Variants in GLIPR1L1 observed in about 807,000 individuals in gnomAD.
GLIPR1L1 encodes the protein GLIPR1-like protein 1.
Under a neutral mutation model 29.9 loss-of-function variants are expected in GLIPR1L1, and 26 were observed. The ratio of observed to expected loss-of-function variants is 0.87; its 90% confidence interval spans 0.64 to 1.21. GLIPR1L1 has a LOEUF of 1.21. GLIPR1L1 is among the 50% of genes most tolerant of loss of function. The pLI is 0.00. For missense variants in GLIPR1L1, 305 were observed against 290.3 expected (o/e 1.05, Z -0.37); for synonymous variants, 77 against 97.5 (o/e 0.79, Z 1.24).
intron 3 of GLIPR1L1, chr12:75,360,076 G>A (rs554143494): frequency 6.6e-6 from 1 of 152,226 alleles, no homozygotes; most frequent in South Asian, 2.1e-4. Context: ...ACTATCATGA[G>A]AACAGCATGG....
At chr12:75,362,744 A>G (rs2043688168) in intron 3 of GLIPR1L1, among the ~76,000 whole-genome samples, 1 of 152,188 alleles carries the variant, frequency 6.6e-6, no homozygotes, top group Admixed American at 6.6e-5. Flanking sequence ...ATTAAAACAT[A>G]AAACACATGT....
chr12:75,369,703 C>T (rs1833743630), intron 4 of GLIPR1L1: 9 of 984,898 alleles, frequency 9.1e-6, no homozygotes, highest in African/African-American at 1.7e-5. Flanking sequence ...TACTTTATAG[C>T]TTTTTCTGGT....
At chr12:75,343,617 A>T in intron 1 of GLIPR1L1, 76 bp from the exon 2 acceptor site, 2 of 1,117,410 alleles carry the variant, frequency 1.8e-6, no homozygotes, top group Non-Finnish European at 2.5e-6. Flanking sequence ...AGCAAAACTT[A>T]GTTGATTACA....
rs1266323510 is a variant in GLIPR1L1 at position 75,334,822 on chromosome 12, C to G, written c.94C>G (p.His32Asp). 1 of 1,614,162 alleles carries G rather than the reference C, an allele frequency of 6.2e-7. No individual in the cohort carries two copies. Among genetic ancestry groups the G allele is most frequent in the Non-Finnish European group, 8.5e-7 (1 of 1,180,022 alleles). The change falls in exon 1 of 6, where the codon CAC becomes GAC. Residue 32 changes from histidine to aspartate, a missense_variant. Coordinates refer to ENST00000378695, the MANE Select transcript of GLIPR1L1 (RefSeq NM_001304964.2). ...SSKIPSITDP[H>D]FIDNCIEAHN... ...CAAAATCCCATCCATCACTGACCCA[C>G]ACTTTATAGACAACTGCATAGAAGC...
intron 3 of GLIPR1L1, among the ~76,000 whole-genome samples, chr12:75,353,537 C>T (rs111699379): frequency 1.9e-4 from 29 of 152,260 alleles, no homozygotes; most frequent in African/African-American, 6.7e-4. Flanking sequence ...CAGGACCAGA[C>T]AGATTTACAG....
chr12:75,334,953 A>T, intron 1 of GLIPR1L1, 51 bp downstream of exon 1: 2 of 1,512,352 alleles, frequency 1.3e-6, no homozygotes, highest in Non-Finnish European at 1.8e-6. Flanking sequence ...ATCCTGAGGT[A>T]TCTGGGTGAT....
intron 4 of GLIPR1L1, among the ~76,000 whole-genome samples, chr12:75,368,990 T>C (rs2044177706): frequency 6.6e-6 from 1 of 152,034 alleles, no homozygotes; most frequent in Non-Finnish European, 1.5e-5. Context: ...TTATGTTCTA[T>C]GACTTTTGAC....
intron 1 of GLIPR1L1, among the ~76,000 whole-genome samples, chr12:75,341,045 C>T (rs911179737): frequency 1.3e-5 from 2 of 151,586 alleles, no homozygotes; most frequent in Admixed American, 1.3e-4. Context: ...AAAAAAAGAA[C>T]ACCTAAACAT....
chr12:75,341,716 G>C (rs1340216870), intron 1 of GLIPR1L1, among the ~76,000 whole-genome samples: 1 of 150,218 alleles, frequency 6.7e-6, no homozygotes, highest in African/African-American at 2.5e-5. Context: ...AAAGTGTTGG[G>C]ATTAAAGGCG....
intron 3 of GLIPR1L1, among the ~76,000 whole-genome samples, chr12:75,354,079 G>T (rs963079814): frequency 7.0e-6 from 1 of 142,760 alleles, no homozygotes; most frequent in African/African-American, 2.6e-5. Flanking sequence ...TTGAAAACCA[G>T]TATAAGACAA....
chr12:75,340,300 T>C (rs2042018454), intron 1 of GLIPR1L1, among the ~76,000 whole-genome samples: 1 of 151,904 alleles, frequency 6.6e-6, no homozygotes, highest in African/African-American at 2.4e-5. Context: ...ACGACGTATT[T>C]TCCTCTGCGT....
intron 2 of GLIPR1L1, among the ~76,000 whole-genome samples, chr12:75,344,311 C>CT (rs897168109): frequency 1.7e-4 from 26 of 152,094 alleles, no homozygotes; most frequent in African/African-American, 5.5e-4. Flanking sequence ...ATGCTCTTGT[C>CT]TTTTTTCTTG....
At chr12:75,357,777 C>CA (rs2043248395) in intron 3 of GLIPR1L1, among the ~76,000 whole-genome samples, 2 of 150,864 alleles carry the variant, frequency 1.3e-5, no homozygotes, top group Admixed American at 6.6e-5. Context: ...AAGAATAACT[C>CA]AAAAAAGAAG....
In GLIPR1L1 at chr12:75,363,130, G is replaced by A. The variant is rs139987275; in HGVS notation, c.550G>A (p.Val184Ile). The A allele has an allele frequency of 9.7e-5, 151 of 1,558,612 alleles. No homozygotes were observed. In the African/African-American group the frequency reaches 1.4e-3, roughly 14 times the overall value. Residue 184 changes from valine to isoleucine, a missense_variant, in exon 4 of 6, where the codon GTA (valine) becomes ATA (isoleucine). By Grantham distance (29) the Val-to-Ile change is conservative (BLOSUM62 3). Transcript: ENST00000378695. The stretch of plus-strand genomic sequence containing the variant: ...AAATTTTGCAAATATGCCTCCTTAC[G>A]TAAGAGGAGAATCTTGCTCTCTCTG... ...AGNFANMPPY[V>I]RGESCSLCSK...
At chr12:75,349,274 T>C (rs2042651971) in intron 3 of GLIPR1L1, among the ~76,000 whole-genome samples, 1 of 152,178 alleles carries the variant, frequency 6.6e-6, no homozygotes, top group Non-Finnish European at 1.5e-5. Flanking sequence ...AGGATCAAAA[T>C]GTTCCCATGT....
At position 75,334,828 on chromosome 12, in the gene GLIPR1L1, A is replaced by C; in HGVS notation, c.100A>C (p.Ile34Leu). Reference sequence around the variant, plus strand: ...CCCATCCATCACTGACCCACACTTTATAGACAACTGCATAGAAGCCCACAA... The same window carrying C: ...CCCATCCATCACTGACCCACACTTTCTAGACAACTGCATAGAAGCCCACAA... Reference protein sequence around the residue: ...KIPSITDPHFIDNCIEAHNEW... With the variant: ...KIPSITDPHFLDNCIEAHNEW... The change falls in exon 1 of 6, where the codon ATA becomes CTA. Residue 34 changes from isoleucine to leucine, a missense_variant. Coordinates refer to ENST00000378695, the MANE Select transcript of GLIPR1L1 (RefSeq NM_001304964.2). The C allele has an allele frequency of 6.2e-7, 1 of 1,614,100 alleles. No homozygotes were observed. Among genetic ancestry groups the C allele is most frequent in the Non-Finnish European group, 8.5e-7 (1 of 1,180,004 alleles).
At chr12:75,344,114 G>C (rs925662009) in intron 2 of GLIPR1L1, among the ~76,000 whole-genome samples, 176 bp downstream of exon 2, 3 of 151,868 alleles carry the variant, frequency 2.0e-5, no homozygotes, top group Non-Finnish European at 4.4e-5. Context: ...TATGTTTCTT[G>C]TGCTGCAGTT....
intron 2 of GLIPR1L1, among the ~76,000 whole-genome samples, chr12:75,346,552 A>G (rs1175646039): frequency 6.6e-6 from 1 of 152,022 alleles, no homozygotes; most frequent in Non-Finnish European, 1.5e-5. Context: ...CACCACGCTC[A>G]GCTAGTTTTT....
chr12:75,343,614 C>A, intron 1 of GLIPR1L1, 79 bp from the exon 2 acceptor site: 11 of 1,099,172 alleles, frequency 1.0e-5, no homozygotes, highest in African/African-American at 3.2e-5. Context: ...TTAAGCAAAA[C>A]TTAGTTGATT....
Sources: allele counts gnomAD v4.1 joint callset (sites outside exome capture counted in the v4.1 genomes callset), GRCh38; gene constraint gnomAD v4.1.1; transcripts MANE v1.5; gene names NCBI Gene and HGNC (gene_info 2026-07-23, HGNC 2026-07-21).